The following NTM variants were observed in gnomAD, a reference collection of about 807,000 sequenced individuals.
NTM encodes IgLON family member 2.
In NTM, 13 loss-of-function variants were observed where a neutral mutation model predicts 42.1. That is an observed-to-expected ratio of 0.31 (90% CI 0.20 to 0.49). The LOEUF (loss-of-function observed/expected upper bound fraction) is 0.49. Among genes scored for constraint, NTM ranks in the 20% least tolerant of loss-of-function variants. NTM has a pLI of 0.99. For missense variants in NTM, 373 were observed against 452.8 expected, an observed-to-expected ratio of 0.82 and a Z score of 1.60; for synonymous variants, 187 against 179.2, an observed-to-expected ratio of 1.04 and a Z score of -0.35.
At chr11:132,011,241 TGA>T (rs920654742) in intron 2 of NTM, among the ~76,000 whole-genome samples, 2 of 152,132 alleles carry the variant, frequency 1.3e-5, no homozygotes, top group Non-Finnish European at 1.5e-5. Context: ...AATAATAAAC[TGA>T]GAGGGGAACT....
At chr11:132,101,078 G>T (rs898208497) in intron 2 of NTM, among the ~76,000 whole-genome samples, 3 of 152,090 alleles carry the variant, frequency 2.0e-5, no homozygotes, top group African/African-American at 7.2e-5. Flanking sequence ...AATATCCAGG[G>T]TATTGACTGA....
intron 1 of NTM, among the ~76,000 whole-genome samples, chr11:131,506,587 G>A (rs1028634738): frequency 1.3e-5 from 2 of 152,206 alleles, no homozygotes; most frequent in African/African-American, 2.4e-5. Flanking sequence ...CCTCTGAGGG[G>A]TGTCCAGGTT....
In NTM at chr11:132,274,124, GT is replaced by G. The variant is rs944907204; in HGVS notation, c.527-33558del. On this transcript the variant is annotated intron_variant, in intron 4 of 8. Transcript: ENST00000683400. ...TAGTAATTTTACTTCTATTTCTTTTGTTTTTTTCTTTGTTCAGCCTTAGTAA... is the reference window on the plus strand; with the variant it reads ...TAGTAATTTTACTTCTATTTCTTTTGTTTTTTCTTTGTTCAGCCTTAGTAA... Among the ~76,000 whole-genome samples the G allele has an allele frequency of 2.0e-5, 3 of 151,438 alleles. No homozygotes were observed. In the East Asian group the frequency reaches 5.8e-4, roughly 29 times the overall value.
At chr11:131,698,390 A>ACAT (rs1207595188) in intron 1 of NTM, among the ~76,000 whole-genome samples, 1 of 152,096 alleles carries the variant, frequency 6.6e-6, no homozygotes. Flanking sequence ...ATCACTAGCG[A>ACAT]CATCATCATC....
At chr11:131,780,277 G>A (rs1160442116) in intron 1 of NTM, among the ~76,000 whole-genome samples, 2 of 152,140 alleles carry the variant, frequency 1.3e-5, no homozygotes, top group African/African-American at 4.8e-5. Context: ...GGTGCAGAGA[G>A]GAGTGCATAA....
Position 131,635,600 on chromosome 11 carries a change from G to A in NTM, c.82+264712G>A, listed in dbSNP as rs138005487. On this transcript the variant is annotated intron_variant, in intron 1 of 8. Transcript: ENST00000683400. ...AAAAAGCTTGTCAAGTAAAAAAGTT[G>A]TAATACAAGTTGAGCTAAAGTTAAT... 5.5e-3 allele frequency among the ~76,000 whole-genome samples: 837 copies of A among 152,214 alleles called. 23 individuals carry two copies. Among genetic ancestry groups the A allele is most frequent in the Admixed American group, 0.044 (673 of 15,292 alleles).
intron 2 of NTM, among the ~76,000 whole-genome samples, chr11:132,097,504 G>A (rs538091096): frequency 4.6e-5 from 7 of 152,306 alleles, no homozygotes; most frequent in East Asian, 1.9e-4. Context: ...TCAGAAAGAC[G>A]ACTTCCATCT....
intron 4 of NTM, among the ~76,000 whole-genome samples, chr11:132,249,193 C>T (rs2091630732): frequency 6.6e-6 from 1 of 152,232 alleles, no homozygotes; most frequent in Non-Finnish European, 1.5e-5. Flanking sequence ...AAATGAGCTT[C>T]ATGAAGAATA....
intron 1 of NTM, among the ~76,000 whole-genome samples, chr11:131,394,580 C>T (rs1944350434): frequency 1.3e-5 from 2 of 152,124 alleles, no homozygotes; most frequent in Admixed American, 6.5e-5. Context: ...ACCTTCCAGC[C>T]CCAGAATGCA....
chr11:131,992,169 G>C (rs1027740248), intron 2 of NTM, among the ~76,000 whole-genome samples: 1 of 152,058 alleles, frequency 6.6e-6, no homozygotes, highest in Non-Finnish European at 1.5e-5. Context: ...TCGATGTGAC[G>C]ACTATGAAGA....
intron 2 of NTM, among the ~76,000 whole-genome samples, chr11:132,052,858 T>C (rs1594147758): frequency 6.6e-6 from 1 of 152,104 alleles, no homozygotes; most frequent in South Asian, 2.1e-4. Flanking sequence ...TTCTCAATTA[T>C]GTCAAAGCTC....
Position 132,335,202 on chromosome 11 carries a change from A to G in NTM, c.*56A>G, listed in dbSNP as rs772407928. On this transcript the variant is annotated 3_prime_UTR_variant, in exon 9 of 9. Transcript: ENST00000683400. The stretch of plus-strand genomic sequence containing the variant: ...CTGCCGCCACCACCACCACCAACAC[A>G]ACAGCAATGGCAACACCGACAGCAA... 3.8e-6 allele frequency: 6 copies of G among 1,591,174 alleles called. No individual in the cohort carries two copies. Among genetic ancestry groups the G allele is most frequent in the Non-Finnish European group, 5.1e-6 (6 of 1,165,310 alleles).
chr11:131,746,808 C>T (rs1008017948), intron 1 of NTM, among the ~76,000 whole-genome samples: 1 of 151,920 alleles, frequency 6.6e-6, no homozygotes, highest in Non-Finnish European at 1.5e-5. Context: ...GTGTACCCTC[C>T]GAAAAAGGCA....
intron 1 of NTM, among the ~76,000 whole-genome samples, chr11:131,673,739 A>G (rs1165571567): frequency 1.3e-5 from 2 of 152,226 alleles, no homozygotes; most frequent in Middle Eastern, 3.2e-3. Flanking sequence ...CTCTGTAGAC[A>G]GCATGGCAGC....
intron 2 of NTM, among the ~76,000 whole-genome samples, chr11:131,972,403 T>C (rs1487936123): frequency 1.3e-5 from 2 of 152,186 alleles, no homozygotes; most frequent in African/African-American, 4.8e-5. Flanking sequence ...ATAATTTCTT[T>C]TTTAGCTTTA....
intron 1 of NTM, among the ~76,000 whole-genome samples, chr11:131,401,842 A>ATATATATATATGTG (rs1945260938): frequency 2.0e-5 from 2 of 100,294 alleles, no homozygotes; most frequent in African/African-American, 4.0e-5. Flanking sequence ...ATATATATAT[A>ATATATATATATGTG]TATATATATA....
chr11:132,190,561 C>T (rs1011166144), intron 3 of NTM, among the ~76,000 whole-genome samples: 5 of 151,894 alleles, frequency 3.3e-5, no homozygotes, highest in African/African-American at 1.2e-4. Flanking sequence ...GATGATGAAA[C>T]CCCGTCTCTA....
chr11:132,266,416 G>A (rs1566615801), intron 4 of NTM, among the ~76,000 whole-genome samples: 1 of 152,172 alleles, frequency 6.6e-6, no homozygotes, highest in Non-Finnish European at 1.5e-5. Context: ...CCTCAGAGCA[G>A]TGTGAGCCCT....
intron 1 of NTM, among the ~76,000 whole-genome samples, chr11:131,768,124 T>C (rs977813949): frequency 4.0e-5 from 3 of 75,868 alleles, no homozygotes; most frequent in Admixed American, 1.9e-4. Flanking sequence ...AAAACTTATT[T>C]TTTTTTTTTT....
Sources: gnomAD v4.1 joint callset for allele counts (sites outside exome capture counted in the v4.1 genomes callset) on GRCh38, gnomAD v4.1.1 for gene constraint, MANE v1.5 for transcripts, NCBI Gene and HGNC (gene_info 2026-07-23, HGNC 2026-07-21) for gene names.